NRXN1: variants seen among roughly 807,000 people sequenced by gnomAD.
The protein encoded by NRXN1 is neurexin 1, also known as neurexin-1.
A neutral mutation model predicts 150.9 loss-of-function variants in NRXN1; 39 were observed. That is an observed-to-expected ratio of 0.26 (90% CI 0.20 to 0.34). The LOEUF (loss-of-function observed/expected upper bound fraction) is 0.34. NRXN1 is among the 10% of genes least tolerant of loss of function. The pLI, the probability that NRXN1 is intolerant of heterozygous loss-of-function variation, is 1.00. For missense variants in NRXN1, 1,815 were observed against 1,949.9 expected, an observed-to-expected ratio of 0.93 and a Z score of 1.30; for synonymous variants, 924 against 757.0, an observed-to-expected ratio of 1.22 and a Z score of -3.62.
intron 2 of NRXN1, among the ~76,000 whole-genome samples, chr2:50,993,890 A>G (rs998673216): frequency 1.3e-5 from 2 of 151,918 alleles, no homozygotes; most frequent in African/African-American, 4.8e-5. Context: ...CACTTTGCAA[A>G]TTTATGTTCT....
At chr2:50,705,247 T>G (rs1694276202) in intron 5 of NRXN1, among the ~76,000 whole-genome samples, 1 of 152,162 alleles carries the variant, frequency 6.6e-6, no homozygotes, top group Non-Finnish European at 1.5e-5. Flanking sequence ...ATAATACGAA[T>G]GGGCTTAACT....
intron 18 of NRXN1, among the ~76,000 whole-genome samples, chr2:50,127,712 C>T (rs550585040): frequency 2.3e-4 from 35 of 152,198 alleles, no homozygotes; most frequent in African/African-American, 7.7e-4. Context: ...ATGATGATGA[C>T]GTATATAAAA....
chr2:49,974,368 G>A (rs531484676), intron 21 of NRXN1, among the ~76,000 whole-genome samples: 5 of 152,130 alleles, frequency 3.3e-5, no homozygotes, highest in South Asian at 2.1e-4. Flanking sequence ...CTCCCCTAAC[G>A]AGACCGCATA....
Position 50,467,190 on chromosome 2 carries a change from C to T in NRXN1, c.3245-1629G>A, listed in dbSNP as rs112438051. ...ATGCCACTTATGAATTTCAGAGTTA[C>T]GTCTGTATTTTCTACACTTTCACAA... On this transcript the variant is annotated intron_variant, in intron 16 of 22. Transcript: ENST00000401669. Among the ~76,000 whole-genome samples the T allele has an allele frequency of 5.3e-3, 797 of 151,760 alleles. 10 individuals are homozygous for T. The highest frequency in any genetic ancestry group is 0.018 in the African/African-American group (754 of 41,480).
chr2:50,396,532 T>G (rs969915210), intron 17 of NRXN1, among the ~76,000 whole-genome samples: 5 of 152,118 alleles, frequency 3.3e-5, no homozygotes, highest in Admixed American at 2.6e-4. Context: ...AGTTTGAGAG[T>G]TTTTTGTTTT....
At position 50,552,919 on chromosome 2, in the gene NRXN1, A is replaced by G; in HGVS notation, c.1427T>C (p.Val476Ala). 6.2e-7 allele frequency: 1 copy of G among 1,613,934 alleles called. No individual in the cohort carries two copies. Among genetic ancestry groups the G allele is most frequent in the East Asian group, 2.2e-5 (1 of 44,880 alleles). ...HGVVAFKCEN[V>A]ATLDPITFET... ...AAAGGTGATTGGGTCTAAAGTTGCA[A>G]CATTCTCACATTTAAATGCCACCAC... is the stretch of plus-strand genomic sequence containing the variant. Residue 476 changes from valine to alanine, a missense_variant, in exon 9 of 23, where the codon GTT becomes GCT. Val to Ala is a moderately conservative substitution (Grantham distance 64). Around this residue, in one of 6 missense-constraint regions of NRXN1, gnomAD observed 638 missense variants for 652.6 expected, o/e 0.98. Coordinates refer to ENST00000401669, the MANE Select transcript of NRXN1 (RefSeq NM_001330078.2).
chr2:50,513,396 G>A (rs561603148), intron 12 of NRXN1, among the ~76,000 whole-genome samples: 7 of 152,122 alleles, frequency 4.6e-5, no homozygotes, highest in Non-Finnish European at 7.4e-5. Context: ...TTGAAATTAG[G>A]CCTCCCAAAG....
intron 17 of NRXN1, among the ~76,000 whole-genome samples, chr2:50,266,999 T>A (rs2068976740): frequency 6.6e-6 from 1 of 152,316 alleles, no homozygotes; most frequent in East Asian, 1.9e-4. Context: ...TTATTTAATT[T>A]GTGCACACCT....
chr2:50,958,186 TG>T (rs1313457625), intron 2 of NRXN1, among the ~76,000 whole-genome samples: 3 of 152,130 alleles, frequency 2.0e-5, no homozygotes, highest in Non-Finnish European at 4.4e-5. Flanking sequence ...TCAGAAAGTG[TG>T]GTCAAGGGAA....
At chr2:50,406,208 C>T (rs188663486) in intron 17 of NRXN1, among the ~76,000 whole-genome samples, 5 of 151,832 alleles carry the variant, frequency 3.3e-5, no homozygotes, top group African/African-American at 1.2e-4. Context: ...TGGTTTCACA[C>T]CTATTGGGAG....
At chr2:50,118,774 GC>G (rs1195525954) in intron 18 of NRXN1, among the ~76,000 whole-genome samples, 1 of 152,150 alleles carries the variant, frequency 6.6e-6, no homozygotes, top group African/African-American at 2.4e-5. Context: ...AGATTTAGCT[GC>G]CATCAGCTGT....
chr2:50,637,726 C>T (rs1393021577), intron 5 of NRXN1, among the ~76,000 whole-genome samples: 1 of 152,088 alleles, frequency 6.6e-6, no homozygotes, highest in Non-Finnish European at 1.5e-5. Context: ...TGTTAGAAGC[C>T]AATTCCCAGA....
intron 5 of NRXN1, among the ~76,000 whole-genome samples, chr2:50,844,735 C>T (rs560405665): frequency 4.6e-5 from 7 of 152,218 alleles, no homozygotes; most frequent in African/African-American, 1.4e-4. Context: ...TCATTCCTCA[C>T]GTAAGGAAAG....
chr2:50,031,698 G>C (rs1344443897), intron 21 of NRXN1, among the ~76,000 whole-genome samples: 2 of 151,970 alleles, frequency 1.3e-5, no homozygotes, highest in Non-Finnish European at 1.5e-5. Flanking sequence ...TCATCCAAAC[G>C]CATCATATAA....
chr2:50,440,401 T>TTTATTA (rs147029219), intron 17 of NRXN1, among the ~76,000 whole-genome samples: 13 of 151,378 alleles, frequency 8.6e-5, no homozygotes, highest in African/African-American at 2.2e-4. Context: ...GACTATAGTC[T>TTTATTA]TTATTATTAT....
intron 18 of NRXN1, among the ~76,000 whole-genome samples, chr2:50,221,854 C>T (rs1343815381): frequency 1.3e-5 from 2 of 152,008 alleles, no homozygotes; most frequent in African/African-American, 2.4e-5. Context: ...TTTAAATTGG[C>T]TATCAACAGC....
chr2:50,863,469 G>C (rs1194558011), intron 5 of NRXN1, among the ~76,000 whole-genome samples: 5 of 151,888 alleles, frequency 3.3e-5, no homozygotes, highest in Admixed American at 6.6e-5. Context: ...GTCAGCTAGG[G>C]AAACAAACCA....
intron 5 of NRXN1, among the ~76,000 whole-genome samples, chr2:50,869,809 A>G (rs1436639314): frequency 6.6e-6 from 1 of 151,914 alleles, no homozygotes; most frequent in Non-Finnish European, 1.5e-5. Flanking sequence ...TTAACTCAAC[A>G]TAAGTGAGTT....
At chr2:50,983,020 T>C (rs546220259) in intron 2 of NRXN1, among the ~76,000 whole-genome samples, 2 of 152,092 alleles carry the variant, frequency 1.3e-5, no homozygotes, top group Non-Finnish European at 2.9e-5. Context: ...AGGAGTTTTA[T>C]ATATATATAG....
Sources: allele counts gnomAD v4.1 joint callset (sites outside exome capture counted in the v4.1 genomes callset), GRCh38; gene constraint gnomAD v4.1.1; regional missense constraint gnomAD v4.1.1; transcripts MANE v1.5; gene names NCBI Gene and HGNC (gene_info 2026-07-23, HGNC 2026-07-21).